DCAKD: variants seen among roughly 807,000 people sequenced by gnomAD.
DCAKD encodes the protein dephospho-CoA kinase domain-containing protein.
A neutral mutation model predicts 18.7 loss-of-function variants in DCAKD; 15 were observed. That is an observed-to-expected ratio of 0.80 (90% CI 0.54 to 1.24). The LOEUF (loss-of-function observed/expected upper bound fraction) is 1.24, where lower values mean the gene tolerates loss of function less well. Among genes scored for constraint, DCAKD ranks in the 50% most tolerant of loss-of-function variants. The pLI, the probability that DCAKD is intolerant of heterozygous loss-of-function variation, is 0.00. For synonymous variants in DCAKD, 130 were observed against 133.0 expected (o/e 0.98, Z 0.16); for missense variants, 301 against 322.0 (o/e 0.93, Z 0.50).
intron 1 of DCAKD, among the ~76,000 whole-genome samples, chr17:45,046,475 G>C (rs1318643004): frequency 2.0e-5 from 3 of 152,062 alleles, no homozygotes; most frequent in Non-Finnish European, 2.9e-5. Context: ...AATTAGCCAG[G>C]CGTGGTGGTG....
chr17:45,044,220 C>T (rs1234607274), intron 1 of DCAKD, among the ~76,000 whole-genome samples: 1 of 152,128 alleles, frequency 6.6e-6, no homozygotes, highest in African/African-American at 2.4e-5. Context: ...CCACTCCCCC[C>T]TACATCACTG....
At chr17:45,028,286 A>G (rs2053099894) in intron 4 of DCAKD, among the ~76,000 whole-genome samples, 1 of 147,886 alleles carries the variant, frequency 6.8e-6, no homozygotes, top group African/African-American at 2.5e-5. Context: ...TTTTTTTTGT[A>G]TTTTTAGTAG....
At position 45,031,325 on chromosome 17, in the gene DCAKD, G is replaced by T. The variant is rs542478424; in HGVS notation, c.317-1146C>A. The T allele has an allele frequency of 7.1e-6, 7 of 985,304 alleles. No individual in the cohort carries two copies. In the East Asian group the frequency reaches 5.7e-4, roughly 80 times the overall value. The allele number at this position is 985,304 out of a possible 1,614,324, so 61.0% of individuals were successfully genotyped here. The stretch of plus-strand genomic sequence containing the variant: ...AGAGAAGCCCACAGTTGAACAAGGG[G>T]GTTAAAACCATAGGCTCTGATGACA... On this transcript the variant is annotated intron_variant, in intron 3 of 4. Coordinates refer to ENST00000651974, the MANE Select transcript of DCAKD (RefSeq NM_001288655.2).
At position 45,034,189 on chromosome 17, in the gene DCAKD, C is replaced by A. The variant is rs770890283; in HGVS notation, c.314G>T (p.Arg105Leu). Residue 105 changes from arginine (R) to leucine (L), a missense_variant and splice_region_variant, in exon 3 of 5, where the codon CGG becomes CTG. Physicochemically the swap from Arg to Leu is moderately radical, Grantham distance 102 (BLOSUM62 -2). Transcript: ENST00000651974. ...CCGCCCCAGGCCCTGGCACTTACCCCGGAGGAAGTACTTGAACGTCTCCTT... is the reference window on the plus strand; with the variant it reads ...CCGCCCCAGGCCCTGGCACTTACCCAGGAGGAAGTACTTGAACGTCTCCTT... ...MMKETFKYFL[R>L]GYRYVILDIP... is the part of the protein sequence containing the mutation. 1.2e-6 allele frequency: 2 copies of A among 1,613,734 alleles called. No homozygotes were observed. The highest frequency in any genetic ancestry group is 1.7e-5 in the Admixed American group (1 of 60,000).
chr17:45,040,629 A>T (rs531791527), intron 1 of DCAKD, among the ~76,000 whole-genome samples: 1 of 152,288 alleles, frequency 6.6e-6, no homozygotes, highest in Non-Finnish European at 1.5e-5. Flanking sequence ...GGAGCCAGAA[A>T]GAAAAGCAAG....
chr17:45,036,874 T>C (rs1327381645), intron 1 of DCAKD, among the ~76,000 whole-genome samples: 1 of 152,156 alleles, frequency 6.6e-6, no homozygotes, highest in East Asian at 1.9e-4. Flanking sequence ...CTGTAAAATC[T>C]GCCATAGGAC....
At chr17:45,025,744 CTTTTTTTT>C (rs66731834) in intron 4 of DCAKD, among the ~76,000 whole-genome samples, 8 of 103,848 alleles carry the variant, frequency 7.7e-5, no homozygotes, top group East Asian at 2.7e-4. Context: ...TTGGTTCCTT[CTTTTTTTT>C]TTTTTTTTTT....
chr17:45,045,690 C>T (rs2053550587), intron 1 of DCAKD, among the ~76,000 whole-genome samples: 1 of 150,534 alleles, frequency 6.6e-6, no homozygotes, highest in South Asian at 2.1e-4. Flanking sequence ...AGAGATCGCA[C>T]CACTGCGCTC....
At chr17:45,039,426 T>C (rs1168876355) in intron 1 of DCAKD, among the ~76,000 whole-genome samples, 2 of 152,226 alleles carry the variant, frequency 1.3e-5, no homozygotes, top group African/African-American at 2.4e-5. Flanking sequence ...CTGAATTTAC[T>C]GCGAAACTTA....
chr17:45,026,351 C>T (rs1375121579), intron 4 of DCAKD, among the ~76,000 whole-genome samples: 1 of 151,768 alleles, frequency 6.6e-6, no homozygotes, highest in African/African-American at 2.4e-5. Flanking sequence ...CCTCAGCCTC[C>T]CGAGTAACTG....
chr17:45,041,386 A>C (rs2143297863), intron 1 of DCAKD, among the ~76,000 whole-genome samples: 1 of 149,154 alleles, frequency 6.7e-6, no homozygotes, highest in African/African-American at 2.5e-5. Flanking sequence ...ATCTCGGCTC[A>C]CTGCAACTCC....
chr17:45,054,746 T>A (rs1463078968), upstream of DCAKD, among the ~76,000 whole-genome samples: 1 of 152,190 alleles, frequency 6.6e-6, no homozygotes, highest in Admixed American at 6.6e-5. Flanking sequence ...CCCTTTTCCC[T>A]ACTCCTGACA....
chr17:45,047,778 C>T (rs1372360252), intron 1 of DCAKD, among the ~76,000 whole-genome samples: 2 of 151,840 alleles, frequency 1.3e-5, no homozygotes, highest in African/African-American at 2.4e-5. Context: ...GCTGGGTTTA[C>T]AGGCGTGAGC....
intron 3 of DCAKD, chr17:45,031,881 T>A: frequency 1.0e-6 from 1 of 985,418 alleles, no homozygotes; most frequent in Non-Finnish European, 1.2e-6. Flanking sequence ...TTGACAGTTG[T>A]ATTTGTTATA....
chr17:45,025,244 C>T (rs2053030514), intron 4 of DCAKD, among the ~76,000 whole-genome samples: 1 of 152,052 alleles, frequency 6.6e-6, no homozygotes, highest in African/African-American at 2.4e-5. Context: ...CACAGAGACC[C>T]CCTCTCCTTG....
At chr17:45,048,551 C>G (rs537343840) in intron 1 of DCAKD, among the ~76,000 whole-genome samples, 2 of 152,172 alleles carry the variant, frequency 1.3e-5, no homozygotes, top group African/African-American at 4.8e-5. Context: ...GCAGAAGAAT[C>G]GCTTGAAACC....
At chr17:45,052,251 G>C (rs1474842818), upstream of DCAKD, among the ~76,000 whole-genome samples, 1 of 152,174 alleles carries the variant, frequency 6.6e-6, no homozygotes, top group Non-Finnish European at 1.5e-5. Flanking sequence ...AAACTGCAGG[G>C]TCCTAACTTC....
chr17:45,026,108 G>A (rs1347792671), intron 4 of DCAKD, among the ~76,000 whole-genome samples: 2 of 151,874 alleles, frequency 1.3e-5, no homozygotes, highest in East Asian at 3.9e-4. Context: ...TAGTAGAGAC[G>A]GGATTTCACC....
At chr17:45,043,331 C>T (rs1041072312) in intron 1 of DCAKD, among the ~76,000 whole-genome samples, 1 of 152,070 alleles carries the variant, frequency 6.6e-6, no homozygotes, top group African/African-American at 2.4e-5. Context: ...ACATAGGTCA[C>T]AGTCACCTCA....
Sources: allele counts gnomAD v4.1 joint callset (sites outside exome capture counted in the v4.1 genomes callset), GRCh38; gene constraint gnomAD v4.1.1; transcripts MANE v1.5; gene names NCBI Gene and HGNC (gene_info 2026-07-23, HGNC 2026-07-21).